Variants in NCAM2 observed in about 807,000 individuals in gnomAD.
The protein encoded by NCAM2 is N-CAM-2.
Under a neutral mutation model 98.1 loss-of-function variants are expected in NCAM2, and 30 were observed. The ratio of observed to expected loss-of-function variants is 0.31; its 90% CI spans 0.23 to 0.41. The LOEUF is 0.41. Among genes scored for constraint, NCAM2 ranks in the 10% least tolerant of loss-of-function variants. The pLI is 1.00. For missense variants in NCAM2, 867 were observed against 1,005.8 expected, an observed-to-expected ratio of 0.86 and a Z score of 1.87; for synonymous variants, 368 against 342.4, an observed-to-expected ratio of 1.07 and a Z score of -0.83.
At chr21:21,169,347 A>C (rs1329571858) in intron 1 of NCAM2, among the ~76,000 whole-genome samples, 1 of 152,216 alleles carries the variant, frequency 6.6e-6, no homozygotes, top group Non-Finnish European at 1.5e-5. Context: ...CATAGAAAGA[A>C]GATAACAGGA....
At chr21:21,531,941 C>A (rs1376466438) in intron 16 of NCAM2, among the ~76,000 whole-genome samples, 1 of 150,642 alleles carries the variant, frequency 6.6e-6, no homozygotes, top group African/African-American at 2.4e-5. Context: ...GGCAGTGAGC[C>A]GAGATCACGC....
At chr21:21,190,626 A>G (rs1027459808) in intron 1 of NCAM2, among the ~76,000 whole-genome samples, 2 of 152,218 alleles carry the variant, frequency 1.3e-5, no homozygotes, top group Admixed American at 1.3e-4. Context: ...TTCCACTGAC[A>G]TAATTCAGTT....
intron 1 of NCAM2, among the ~76,000 whole-genome samples, chr21:21,080,629 C>T (rs116446593): frequency 0.071 from 4,966 of 69,906 alleles, 330 homozygotes; most frequent in African/African-American, 0.2. Flanking sequence ...AAAAAAAAGA[C>T]TTCCTAAGTT....
chr21:21,080,897 A>C (rs1479134784), intron 1 of NCAM2, among the ~76,000 whole-genome samples: 5 of 152,134 alleles, frequency 3.3e-5, no homozygotes, highest in Non-Finnish European at 7.4e-5. Flanking sequence ...GGCAAGTTTT[A>C]GAGCAGGAAT....
At position 21,467,327 on chromosome 21, in the gene NCAM2, C is replaced by T. The variant is rs142142992; in HGVS notation, c.1774+602C>T. ...TAAATGTGAGAAAACATAATAAATA[C>T]GACTGAACCACTGTTATAAAAATCT... On this transcript the variant is annotated intron_variant, in intron 13 of 17. Coordinates refer to ENST00000400546, the MANE Select transcript of NCAM2 (RefSeq NM_004540.5). Among the ~76,000 whole-genome samples, 111 of 149,292 alleles carry T rather than the reference C, an allele frequency of 7.4e-4. No individual in the cohort carries two copies. In the East Asian group the frequency reaches 8.2e-3, roughly 11 times the overall value.
chr21:21,221,934 C>A (rs2070186090), intron 1 of NCAM2, among the ~76,000 whole-genome samples: 1 of 152,126 alleles, frequency 6.6e-6, no homozygotes, highest in Non-Finnish European at 1.5e-5. Flanking sequence ...ACAGATGTCT[C>A]TCTTGGTGTG....
intron 1 of NCAM2, among the ~76,000 whole-genome samples, chr21:21,275,773 T>C (rs1330078422): frequency 6.6e-6 from 1 of 152,200 alleles, no homozygotes; most frequent in East Asian, 1.9e-4. Context: ...TATATATTTA[T>C]CACAAGATAC....
At chr21:21,248,826 A>G (rs1601760983) in intron 1 of NCAM2, among the ~76,000 whole-genome samples, 9 of 128,694 alleles carry the variant, frequency 7.0e-5, no homozygotes, top group Admixed American at 5.9e-4. Flanking sequence ...AAGATTTATG[A>G]ATTTCTTTCT....
intron 15 of NCAM2, among the ~76,000 whole-genome samples, chr21:21,489,275 G>A (rs868675661): frequency 2.6e-5 from 4 of 152,158 alleles, no homozygotes; most frequent in East Asian, 1.9e-4. Flanking sequence ...AATTACAGGC[G>A]TGAGCCATGG....
At chr21:21,413,333 A>G (rs1057409380) in intron 10 of NCAM2, among the ~76,000 whole-genome samples, 6 of 152,200 alleles carry the variant, frequency 3.9e-5, no homozygotes, top group East Asian at 1.9e-4. Context: ...CATGGAATAC[A>G]TAGAAGAAAT....
At chr21:21,154,062 A>C (rs573309355) in intron 1 of NCAM2, among the ~76,000 whole-genome samples, 2 of 151,890 alleles carry the variant, frequency 1.3e-5, no homozygotes, top group African/African-American at 2.4e-5. Flanking sequence ...TTAGCATGCA[A>C]ATTTGGAGAT....
intron 1 of NCAM2, among the ~76,000 whole-genome samples, chr21:21,262,969 G>A (rs1284370342): frequency 6.6e-6 from 1 of 151,960 alleles, no homozygotes; most frequent in Non-Finnish European, 1.5e-5. Context: ...CTGCCCCCAT[G>A]ATTCAATTAC....
chr21:21,168,821 G>C (rs760391499), intron 1 of NCAM2, among the ~76,000 whole-genome samples: 2 of 152,098 alleles, frequency 1.3e-5, no homozygotes, highest in Non-Finnish European at 2.9e-5. Flanking sequence ...TACATTCTTA[G>C]CTTACGTGTA....
At chr21:21,506,139 A>G (rs1057498628) in intron 15 of NCAM2, among the ~76,000 whole-genome samples, 3 of 152,154 alleles carry the variant, frequency 2.0e-5, no homozygotes, top group Non-Finnish European at 2.9e-5. Flanking sequence ...TCTGCATGTG[A>G]GAAGACCCTA....
rs895861449 is a variant in NCAM2 at position 21,430,209 on chromosome 21, G to A, written c.1481-1899G>A. Among the ~76,000 whole-genome samples, 3 of 150,664 alleles carry A rather than the reference G, an allele frequency of 2.0e-5. No individual in the cohort carries two copies. In the East Asian group the frequency reaches 5.9e-4, roughly 30 times the overall value. On this transcript the variant is annotated intron_variant, in intron 11 of 17. Coordinates refer to ENST00000400546, the MANE Select transcript of NCAM2 (RefSeq NM_004540.5). ...ACACCCGGCTGTTTTTTTTATTTTT[G>A]TGGAAACAGGGTTTCACCATGTTGA...
At chr21:21,026,709 A>G (rs2064553059) in intron 1 of NCAM2, among the ~76,000 whole-genome samples, 1 of 152,112 alleles carries the variant, frequency 6.6e-6, no homozygotes, top group South Asian at 2.1e-4. Context: ...GTTTGATAAC[A>G]TAACCTGTAG....
chr21:21,512,149 T>G (rs1988427033), intron 16 of NCAM2, among the ~76,000 whole-genome samples: 1 of 151,988 alleles, frequency 6.6e-6, no homozygotes, highest in Non-Finnish European at 1.5e-5. Flanking sequence ...TGAGAGGTAT[T>G]ACTCAAAGAA....
chr21:21,151,507 GT>G (rs1478764243), intron 1 of NCAM2, among the ~76,000 whole-genome samples: 1 of 152,020 alleles, frequency 6.6e-6, no homozygotes, highest in Admixed American at 6.6e-5. Context: ...CTTTCTCAGA[GT>G]GGAATGGTAT....
intron 15 of NCAM2, among the ~76,000 whole-genome samples, chr21:21,503,440 T>A (rs1272222086): frequency 6.6e-6 from 1 of 151,662 alleles, no homozygotes; most frequent in Non-Finnish European, 1.5e-5. Context: ...AACATAGACA[T>A]GCTGGATAAA....
Sources: gnomAD v4.1 joint callset for allele counts (sites outside exome capture counted in the v4.1 genomes callset) on GRCh38, gnomAD v4.1.1 for gene constraint, MANE v1.5 for transcripts, NCBI Gene and HGNC (gene_info 2026-07-23, HGNC 2026-07-21) for gene names.